Variants in SIPA1L2 observed in about 807,000 individuals in gnomAD.
The protein encoded by SIPA1L2 is signal-induced proliferation-associated 1-like protein 2.
Under a neutral mutation model 163.9 loss-of-function variants are expected in SIPA1L2, and 56 were observed. That is an observed-to-expected ratio of 0.34 (90% CI 0.28 to 0.43). The LOEUF (loss-of-function observed/expected upper bound fraction) is 0.43, where lower values mean the gene tolerates loss of function less well. Among genes scored for constraint, SIPA1L2 ranks in the 20% least tolerant of loss-of-function variants. The pLI, the probability that SIPA1L2 is intolerant of heterozygous loss-of-function variation, is 1.00. For synonymous variants in SIPA1L2, 877 were observed against 865.7 expected (o/e 1.01, Z -0.23); for missense variants, 1,974 against 2,193.5 (o/e 0.90, Z 2.00).
chr1:232,410,111 T>A (rs577313445), intron 19 of SIPA1L2, among the ~76,000 whole-genome samples: 1 of 152,156 alleles, frequency 6.6e-6, no homozygotes, highest in Non-Finnish European at 1.5e-5. Flanking sequence ...GATTCCAGTA[T>A]AAAAATTAAA....
chr1:232,416,430 G>A (rs191100168), intron 18 of SIPA1L2, among the ~76,000 whole-genome samples: 16 of 152,292 alleles, frequency 1.1e-4, no homozygotes, highest in East Asian at 3.9e-4. Context: ...TTGTAATTTC[G>A]CGGTTTTCTT....
chr1:232,420,470 G>A (rs987014217), intron 18 of SIPA1L2, among the ~76,000 whole-genome samples: 2 of 152,104 alleles, frequency 1.3e-5, no homozygotes, highest in African/African-American at 2.4e-5. Context: ...TTTGCCTCAG[G>A]TATCAAAGCC....
At chr1:232,443,067 C>G (rs556339453) in intron 12 of SIPA1L2, among the ~76,000 whole-genome samples, 1 of 152,194 alleles carries the variant, frequency 6.6e-6, no homozygotes, top group Non-Finnish European at 1.5e-5. Context: ...CAGGAGCGCA[C>G]CCTGGTGCCA....
At chr1:232,564,729 T>C (rs1020280142) in intron 2 of SIPA1L2, among the ~76,000 whole-genome samples, 32 of 152,192 alleles carry the variant, frequency 2.1e-4, no homozygotes, top group African/African-American at 7.7e-4. Context: ...GGGGACAGGA[T>C]GGCAGAAGTA....
intron 2 of SIPA1L2, among the ~76,000 whole-genome samples, chr1:232,532,365 G>A (rs1230675619): frequency 6.6e-6 from 1 of 152,102 alleles, no homozygotes; most frequent in Non-Finnish European, 1.5e-5. Flanking sequence ...TAGCAGTTAC[G>A]GTTAAATAGA....
intron 10 of SIPA1L2, among the ~76,000 whole-genome samples, chr1:232,458,934 A>G (rs976356384): frequency 1.7e-4 from 26 of 152,232 alleles, no homozygotes; most frequent in Non-Finnish European, 3.1e-4. Context: ...ACTAGGCAGA[A>G]TCAGGCAAGG....
intron 16 of SIPA1L2, among the ~76,000 whole-genome samples, chr1:232,430,065 G>A (rs1662137897): frequency 6.6e-6 from 1 of 152,164 alleles, no homozygotes; most frequent in South Asian, 2.1e-4. Context: ...TCATAAATAC[G>A]CTCTGAGGAT....
At chr1:232,399,611 C>A (rs943759054) in intron 22 of SIPA1L2, among the ~76,000 whole-genome samples, 2 of 152,040 alleles carry the variant, frequency 1.3e-5, no homozygotes, top group South Asian at 4.2e-4. Flanking sequence ...ACCCTTTTGA[C>A]AAATGCACAA....
chr1:232,406,526 G>A (rs1660643161), intron 19 of SIPA1L2, among the ~76,000 whole-genome samples: 2 of 152,236 alleles, frequency 1.3e-5, no homozygotes, highest in Non-Finnish European at 2.9e-5. Flanking sequence ...TGGCAAAACA[G>A]ATGACTGCAA....
rs201709388 is a variant in SIPA1L2, at chr1:232,441,731, G to T, written c.3538+37C>A. ...GAGGGGGCAGAGAGGGGGAAAGGGG[G>T]AGCAAGGGAGGTCAATTTCCAGGAG... On this transcript the variant is annotated intron_variant, in intron 13 of 22. Coordinates refer to ENST00000674635, the MANE Select transcript of SIPA1L2 (RefSeq NM_020808.5). 3.9e-6 allele frequency: 6 copies of T among 1,547,254 alleles called. No homozygotes were observed. In the African/African-American group the frequency reaches 4.1e-5, roughly 10 times the overall value.
chr1:232,484,102 A>G, intron 5 of SIPA1L2, 136 bp from the exon 6 acceptor site: 1 of 750,876 alleles, frequency 1.3e-6, no homozygotes, highest in South Asian at 2.0e-5. Flanking sequence ...AATAAGCAAA[A>G]GAGTAGGCAA....
chr1:232,412,369 C>A (rs183540476), intron 19 of SIPA1L2, among the ~76,000 whole-genome samples: 205 of 152,258 alleles, frequency 1.3e-3, no homozygotes, highest in African/African-American at 4.4e-3. Flanking sequence ...AATAGGGGCA[C>A]AGGATTATTC....
intron 9 of SIPA1L2, among the ~76,000 whole-genome samples, chr1:232,464,624 T>C (rs1664411130): frequency 6.6e-6 from 1 of 152,236 alleles, no homozygotes; most frequent in East Asian, 1.9e-4. Context: ...TTAACTTTTC[T>C]TTTCCAATTG....
intron 1 of SIPA1L2, among the ~76,000 whole-genome samples, chr1:232,611,650 T>A (rs1160207035): frequency 6.6e-6 from 1 of 152,170 alleles, no homozygotes; most frequent in East Asian, 1.9e-4. Flanking sequence ...ATTTAGGGTA[T>A]CCGGCAGAAG....
At chr1:232,540,600 G>A (rs1414971398) in intron 2 of SIPA1L2, among the ~76,000 whole-genome samples, 2 of 152,080 alleles carry the variant, frequency 1.3e-5, no homozygotes, top group Non-Finnish European at 2.9e-5. Flanking sequence ...ATTTCCATAA[G>A]TGTTAGAGGA....
intron 3 of SIPA1L2, among the ~76,000 whole-genome samples, chr1:232,494,634 T>A (rs1384810674): frequency 6.6e-6 from 1 of 152,240 alleles, no homozygotes; most frequent in Non-Finnish European, 1.5e-5. Flanking sequence ...GCAGCCAAAG[T>A]ATCTCATTGC....
intron 2 of SIPA1L2, among the ~76,000 whole-genome samples, chr1:232,519,617 C>G (rs182982984): frequency 1.3e-5 from 2 of 152,306 alleles, no homozygotes; most frequent in East Asian, 3.9e-4. Flanking sequence ...ATCATTTTGT[C>G]ATTCTAACAG....
intron 10 of SIPA1L2, among the ~76,000 whole-genome samples, chr1:232,453,366 C>G (rs1272338327): frequency 6.6e-6 from 1 of 152,204 alleles, no homozygotes; most frequent in Admixed American, 6.5e-5. Context: ...GTACCACAGA[C>G]TGTGCAGTCA....
intron 2 of SIPA1L2, among the ~76,000 whole-genome samples, chr1:232,573,759 TG>T (rs1659933650): frequency 6.6e-6 from 1 of 152,134 alleles, no homozygotes; most frequent in Non-Finnish European, 1.5e-5. Context: ...CCGCTCTCAG[TG>T]GGTCCAGGGC....
Sources: gnomAD v4.1 joint callset for allele counts (sites outside exome capture counted in the v4.1 genomes callset) on GRCh38, gnomAD v4.1.1 for gene constraint, MANE v1.5 for transcripts, NCBI Gene and HGNC (gene_info 2026-07-23, HGNC 2026-07-21) for gene names.